REEP3: variants seen among roughly 807,000 people sequenced by gnomAD.
REEP3 encodes receptor accessory protein 3.
A neutral mutation model predicts 41.3 loss-of-function variants in REEP3; 20 were observed. The ratio of observed to expected loss-of-function variants is 0.48; its 90% confidence interval spans 0.34 to 0.70. The LOEUF is 0.70. Among genes scored for constraint, REEP3 ranks in the 30% least tolerant of loss-of-function variants. The pLI, the probability that REEP3 is intolerant of heterozygous loss-of-function variation, is 0.01. For missense variants in REEP3, 271 were observed against 308.8 expected (o/e 0.88, Z 0.92); for synonymous variants, 104 against 101.8 (o/e 1.02, Z -0.13).
At chr10:63,615,719 A>G (rs1956306969) in intron 6 of REEP3, among the ~76,000 whole-genome samples, 1 of 151,162 alleles carries the variant, frequency 6.6e-6, no homozygotes, top group Non-Finnish European at 1.5e-5. Flanking sequence ...TAAGTTTTGT[A>G]TTTTTAAGTA....
intron 6 of REEP3, among the ~76,000 whole-genome samples, chr10:63,613,921 C>T (rs1023557266): frequency 4.6e-5 from 7 of 152,056 alleles, no homozygotes; most frequent in Non-Finnish European, 5.9e-5. Flanking sequence ...ATTTCTTAAG[C>T]ATGATATCAA....
At position 63,521,582 on chromosome 10, in the gene REEP3, G is replaced by C; in HGVS notation, c.32+5G>C. On this transcript the variant is annotated splice_donor_5th_base_variant and intron_variant, in intron 1 of 7. Transcript: ENST00000373758. ...GATGATCTCCAGAGCCGTGGTGTAA[G>C]TGCCTCTCACTGCGCCCTGCAGCCG... 1 of 1,417,014 alleles carries C rather than the reference G, an allele frequency of 7.1e-7. No individual in the cohort carries two copies. Among genetic ancestry groups the C allele is most frequent in the East Asian group, 3.1e-5 (1 of 32,528 alleles). The allele number at this position is 1,417,014 out of a possible 1,614,324, so 87.8% of individuals were successfully genotyped here. A position where few individuals can be genotyped will look rare whatever the true frequency, so the allele number is the denominator to read the frequency against.
intron 7 of REEP3, among the ~76,000 whole-genome samples, chr10:63,620,114 G>A (rs905383820): frequency 6.6e-6 from 1 of 151,442 alleles, no homozygotes; most frequent in Non-Finnish European, 1.5e-5. Flanking sequence ...TTCATTTTTT[G>A]TAGAGACAGG....
chr10:63,584,888 AT>A (rs941389856), intron 2 of REEP3, among the ~76,000 whole-genome samples: 17 of 150,244 alleles, frequency 1.1e-4, no homozygotes, highest in Middle Eastern at 3.4e-3. Flanking sequence ...CTCAGCAGAG[AT>A]TTTTTTTTTC....
At chr10:63,549,416 A>C (rs1589862844) in intron 1 of REEP3, among the ~76,000 whole-genome samples, 1 of 152,296 alleles carries the variant, frequency 6.6e-6, no homozygotes, top group Middle Eastern at 3.4e-3. Context: ...AAAAATTTGA[A>C]AGTTAGCTAG....
intron 1 of REEP3, among the ~76,000 whole-genome samples, chr10:63,535,309 G>T (rs990864088): frequency 1.3e-5 from 2 of 151,974 alleles, no homozygotes; most frequent in Admixed American, 6.6e-5. Flanking sequence ...TAAAATACTG[G>T]AAGGAAAAGA....
At position 63,623,753 on chromosome 10, in the gene REEP3, ATATGTG is replaced by A. The variant is rs1485947325; in HGVS notation, c.*2886_*2891del. ...ATCCCCCTCACATACTTCACAATATATATGTGTGTGTGTGTGTGTGTGTGTGTGTGT... is the reference window on the plus strand; with the variant it reads ...ATCCCCCTCACATACTTCACAATATATGTGTGTGTGTGTGTGTGTGTGTGT... On this transcript the variant is annotated 3_prime_UTR_variant, in exon 8 of 8. Transcript: ENST00000373758. 6 of 110,176 alleles carry A rather than the reference ATATGTG, an allele frequency of 5.4e-5. No individual in the cohort carries two copies. The highest frequency in any genetic ancestry group is 1.7e-4 in the African/African-American group (5 of 28,850). The allele number at this position is 110,176 out of a possible 1,614,324, so 6.8% of individuals were successfully genotyped here.
chr10:63,523,443 G>A (rs1955316403), intron 1 of REEP3, among the ~76,000 whole-genome samples: 1 of 152,142 alleles, frequency 6.6e-6, no homozygotes, highest in Non-Finnish European at 1.5e-5. Flanking sequence ...GACCAGCCTG[G>A]GCAACATAGC....
At position 63,545,680 on chromosome 10, in the gene REEP3, G is replaced by GTTTTT. The variant is rs55779021; in HGVS notation, c.33-20637_33-20633dup. 2.3e-3 allele frequency among the ~76,000 whole-genome samples: 125 copies of GTTTTT among 55,410 alleles called. 8 individuals are homozygous for GTTTTT. Among genetic ancestry groups the GTTTTT allele is most frequent in the South Asian group, 3.7e-3 (4 of 1,068 alleles). The allele number at this position is 55,410 out of a possible 152,430, so 36.4% of individuals were successfully genotyped here. A position where few individuals can be genotyped will look rare whatever the true frequency, so the allele number is the denominator to read the frequency against. On this transcript the variant is annotated intron_variant, in intron 1 of 7. Coordinates refer to ENST00000373758, the MANE Select transcript of REEP3 (RefSeq NM_001001330.3). ...GAGCCACTGCGCCTGGCCAACTTCT[G>GTTTTT]TTTTTTTTTTTTTTTTTTTTTTTTT... is the stretch of plus-strand genomic sequence containing the variant.
At chr10:63,571,658 G>A (rs896640405) in intron 2 of REEP3, among the ~76,000 whole-genome samples, 1 of 152,094 alleles carries the variant, frequency 6.6e-6, no homozygotes, top group Non-Finnish European at 1.5e-5. Flanking sequence ...TCTCCTTTAC[G>A]GTGTAACCTA....
intron 1 of REEP3, among the ~76,000 whole-genome samples, chr10:63,529,047 G>T (rs1433131594): frequency 6.6e-6 from 1 of 152,136 alleles, no homozygotes; most frequent in East Asian, 1.9e-4. Flanking sequence ...GTAAGAGAAT[G>T]AAAAAAATGA....
intron 2 of REEP3, among the ~76,000 whole-genome samples, chr10:63,593,628 C>T (rs1184777862): frequency 4.6e-5 from 7 of 152,100 alleles, no homozygotes; most frequent in South Asian, 2.1e-4. Context: ...TTTAATCGTA[C>T]GTGAAACTCC....
intron 2 of REEP3, among the ~76,000 whole-genome samples, chr10:63,585,313 T>C (rs1294904677): frequency 6.6e-6 from 1 of 152,152 alleles, no homozygotes; most frequent in Non-Finnish European, 1.5e-5. Flanking sequence ...CATATGGATA[T>C]GTTACAAAGG....
chr10:63,587,487 A>G (rs1436905880), intron 2 of REEP3, among the ~76,000 whole-genome samples: 2 of 152,206 alleles, frequency 1.3e-5, no homozygotes, highest in Admixed American at 1.3e-4. Flanking sequence ...GTAACCTCTT[A>G]TACTGCGGTA....
At chr10:63,527,856 A>G (rs908354948) in intron 1 of REEP3, among the ~76,000 whole-genome samples, 2 of 151,780 alleles carry the variant, frequency 1.3e-5, no homozygotes, top group African/African-American at 4.8e-5. Flanking sequence ...AAACTGTTTG[A>G]TCCTCATCTG....
chr10:63,599,682 A>G, intron 5 of REEP3: 1 of 986,068 alleles, frequency 1.0e-6, no homozygotes, highest in Non-Finnish European at 1.2e-6. Flanking sequence ...TTTCTGGCTT[A>G]CTTCTGCACC....
chr10:63,609,819 T>C (rs1956263996), intron 5 of REEP3, among the ~76,000 whole-genome samples: 1 of 152,078 alleles, frequency 6.6e-6, no homozygotes, highest in Non-Finnish European at 1.5e-5. Context: ...TTGCCCTAAA[T>C]ATTAAAGTTT....
chr10:63,601,117 A>G (rs1305364123), intron 5 of REEP3, among the ~76,000 whole-genome samples: 3 of 151,912 alleles, frequency 2.0e-5, no homozygotes, highest in Non-Finnish European at 4.4e-5. Flanking sequence ...TCACACCACT[A>G]TACTCCAGCC....
chr10:63,620,836 C>A lies in REEP3; in HGVS notation c.735C>A (p.Tyr245Ter). ...AGGTGCGGTACGGGTCACTAAAATA[C>A]AAAGTGAAGAAACGACCACAAGTGT... ...RKEVRYGSLK[Y>*]KVKKRPQVYF Residue 245 changes from tyrosine to a stop codon, truncating the protein, a stop_gained, in exon 8 of 8, where the codon TAC (tyrosine) becomes TAA (stop). Coordinates refer to ENST00000373758, the MANE Select transcript of REEP3 (RefSeq NM_001001330.3). LOFTEE classifies it high-confidence loss of function. 6.2e-7 allele frequency: 1 copy of A among 1,607,562 alleles called. No individual in the cohort carries two copies. Among genetic ancestry groups the A allele is most frequent in the Non-Finnish European group, 8.5e-7 (1 of 1,175,728 alleles).
Sources: gnomAD v4.1 joint callset for allele counts (sites outside exome capture counted in the v4.1 genomes callset) on GRCh38, gnomAD v4.1.1 for gene constraint, MANE v1.5 for transcripts, NCBI Gene and HGNC (gene_info 2026-07-23, HGNC 2026-07-21) for gene names.